The following PIK3C2G variants were observed in gnomAD, a reference collection of about 807,000 sequenced individuals.
PIK3C2G encodes phosphatidylinositol-4-phosphate 3-kinase catalytic subunit type 2 gamma.
Under a neutral mutation model 181.1 loss-of-function variants are expected in PIK3C2G, and 168 were observed. The ratio of observed to expected loss-of-function variants is 0.93; its 90% CI spans 0.82 to 1.05. The LOEUF is 1.05. Ranked by LOEUF, PIK3C2G falls within the 50% of genes least tolerant of loss-of-function variation. The pLI is 0.00. For missense variants in PIK3C2G, 1,869 were observed against 1,732.8 expected, an observed-to-expected ratio of 1.08 and a Z score of -1.40; for synonymous variants, 573 against 592.2, an observed-to-expected ratio of 0.97 and a Z score of 0.47.
intron 13 of PIK3C2G, among the ~76,000 whole-genome samples, chr12:18,375,979 G>A (rs1167838271): frequency 6.6e-6 from 1 of 152,236 alleles, no homozygotes; most frequent in Non-Finnish European, 1.5e-5. Flanking sequence ...CCTCCACCTA[G>A]ATTTCAGAGA....
intron 5 of PIK3C2G, among the ~76,000 whole-genome samples, chr12:18,308,852 G>C (rs2137362686): frequency 6.6e-6 from 1 of 151,496 alleles, no homozygotes; most frequent in South Asian, 2.1e-4. Context: ...ACTATATATT[G>C]CAAAACAAAA....
the PIK3C2G span, among the ~76,000 whole-genome samples, chr12:18,706,525 G>A: frequency 3.3e-5 from 5 of 152,154 alleles, no homozygotes; most frequent in Non-Finnish European, 7.3e-5. Flanking sequence ...TAATAGCAAA[G>A]GAGTTTTATT....
At chr12:18,243,078 G>A (rs1948001532), upstream of PIK3C2G, among the ~76,000 whole-genome samples, 1 of 152,058 alleles carries the variant, frequency 6.6e-6, no homozygotes, top group South Asian at 2.1e-4. Flanking sequence ...ACTGTACTAT[G>A]AAATGTATCC....
chr12:18,422,320 T>TA (rs59739820), intron 17 of PIK3C2G, among the ~76,000 whole-genome samples: 243 of 150,552 alleles, frequency 1.6e-3, no homozygotes, highest in African/African-American at 4.4e-3. Flanking sequence ...TAGAAAAATT[T>TA]AAAAAAAAAA....
chr12:18,615,375 G>GTGTGTGTATGTATA (rs1555150547), intron 31 of PIK3C2G, among the ~76,000 whole-genome samples: 3 of 89,578 alleles, frequency 3.3e-5, no homozygotes, highest in Non-Finnish European at 5.5e-5. Flanking sequence ...GTGTGTATGT[G>GTGTGTGTATGTATA]TATATATATA....
At chr12:18,346,564 A>T (rs1459048444) in intron 10 of PIK3C2G, 77 bp from the exon 11 acceptor site, 2 of 791,956 alleles carry the variant, frequency 2.5e-6, no homozygotes, top group African/African-American at 3.5e-5. Context: ...ATTATATGAC[A>T]TTTCAAAGCT....
the PIK3C2G span, chr12:18,705,241 A>T: frequency 6.2e-7 from 1 of 1,614,076 alleles, no homozygotes; most frequent in South Asian, 1.1e-5. Context: ...TAGCCTGCAA[A>T]TTGTCTGCCA....
At chr12:18,607,724 CT>C (rs1284533257) in intron 30 of PIK3C2G, among the ~76,000 whole-genome samples, 1 of 152,130 alleles carries the variant, frequency 6.6e-6, no homozygotes, top group Admixed American at 6.5e-5. Flanking sequence ...TAAAGAGCTT[CT>C]GCACAGAAAA....
chr12:18,613,026 A>G (rs1241649890), intron 31 of PIK3C2G, among the ~76,000 whole-genome samples: 1 of 152,116 alleles, frequency 6.6e-6, no homozygotes, highest in Non-Finnish European at 1.5e-5. Flanking sequence ...ACACCATTTC[A>G]GTTTATATGA....
intron 18 of PIK3C2G, among the ~76,000 whole-genome samples, chr12:18,476,401 G>A (rs1938999833): frequency 6.6e-6 from 1 of 152,156 alleles, no homozygotes; most frequent in African/African-American, 2.4e-5. Flanking sequence ...AACAAATCAT[G>A]AAGTGCTCTG....
Position 18,648,109 on chromosome 12 carries a change from C to A in PIK3C2G, c.*81C>A. The A allele has an allele frequency of 2.4e-6, 2 of 823,866 alleles. No homozygotes were observed. Among genetic ancestry groups the A allele is most frequent in the Non-Finnish European group, 3.6e-6 (2 of 557,670 alleles). The allele number at this position is 823,866 out of a possible 1,614,324, so 51.0% of individuals were successfully genotyped here. ...GGGCCTCTGAATCACATAAGTAAGG[C>A]ATCTTTGTTGTCAAAGACAGCACAG... On this transcript the variant is annotated 3_prime_UTR_variant, in exon 33 of 33. Coordinates refer to ENST00000538779, the MANE Select transcript of PIK3C2G (RefSeq NM_001288772.2).
chr12:18,403,004 T>A (rs1944335687), intron 16 of PIK3C2G, among the ~76,000 whole-genome samples: 1 of 152,188 alleles, frequency 6.6e-6, no homozygotes, highest in South Asian at 2.1e-4. Flanking sequence ...AACCTGGGAA[T>A]CAAATCCAGG....
intron 18 of PIK3C2G, among the ~76,000 whole-genome samples, chr12:18,429,066 C>G (rs771410596): frequency 6.6e-6 from 1 of 152,016 alleles, no homozygotes; most frequent in African/African-American, 2.4e-5. Flanking sequence ...GGGTCTTTGA[C>G]GATAGAATTT....
chr12:18,245,302 G>A (rs10770329), upstream of PIK3C2G, among the ~76,000 whole-genome samples: 65,380 of 151,760 alleles, frequency 0.43, 14,645 homozygotes, highest in East Asian at 0.75. Flanking sequence ...CTCAGTCAGC[G>A]CTGCATTTTA....
intron 6 of PIK3C2G, among the ~76,000 whole-genome samples, chr12:18,317,755 A>G (rs557879135): frequency 6.6e-6 from 1 of 152,328 alleles, no homozygotes; most frequent in Non-Finnish European, 1.5e-5. Context: ...CTTCTATAAA[A>G]AAGCAAAAAT....
chr12:18,459,982 C>A (rs1199910105), intron 18 of PIK3C2G, among the ~76,000 whole-genome samples: 1 of 152,164 alleles, frequency 6.6e-6, no homozygotes, highest in African/African-American at 2.4e-5. Context: ...CCAGGCTGGT[C>A]TCAAACTCCT....
chr12:18,497,493 C>A, intron 21 of PIK3C2G, 126 bp from the exon 22 acceptor site: 1 of 603,264 alleles, frequency 1.7e-6, no homozygotes, highest in Non-Finnish European at 2.6e-6. Context: ...CTAACAAAAC[C>A]ATTAAAACCA....
chr12:18,695,194 A>C, the PIK3C2G span: 1 of 1,036,422 alleles, frequency 9.6e-7, no homozygotes, highest in Non-Finnish European at 1.5e-6. Context: ...TTCTATGAGC[A>C]AGTATCATTA....
rs1300360848 is a variant in PIK3C2G, at chr12:18,505,439, CA to C, written c.3304del (p.Thr1102HisfsTer5). ...IDFGKFLGHA[Q>X]TFGGIKRDRA... ...CTTTGGAAAATTCTTAGGTCATGCA[CA>C]AACATTTGGAGGGATAAAAAGGTCA... On this transcript the variant is annotated frameshift_variant, in exon 24 of 33. Transcript: ENST00000538779. LOFTEE classifies it high-confidence loss of function. 6.2e-7 allele frequency: 1 copy of C among 1,613,002 alleles called. No homozygotes were observed. Among genetic ancestry groups the C allele is most frequent in the Non-Finnish European group, 8.5e-7 (1 of 1,179,440 alleles).
Sources: allele counts gnomAD v4.1 joint callset (sites outside exome capture counted in the v4.1 genomes callset), GRCh38; gene constraint gnomAD v4.1.1; transcripts MANE v1.5; gene names NCBI Gene and HGNC (gene_info 2026-07-23, HGNC 2026-07-21).